The following TENM3 variants were observed in gnomAD, a reference collection of about 807,000 sequenced individuals.
TENM3 encodes the protein teneurin-3.
In TENM3, 63 loss-of-function variants were observed where a neutral mutation model predicts 255.1. That is an observed-to-expected ratio of 0.25 (90% confidence interval 0.20 to 0.30). The LOEUF (loss-of-function observed/expected upper bound fraction) is 0.30. TENM3 is among the 10% of genes least tolerant of loss of function. TENM3 has a pLI of 1.00. For missense variants in TENM3, 2,929 were observed against 3,461.1 expected (o/e 0.85, Z 3.86); for synonymous variants, 1,306 against 1,322.3 (o/e 0.99, Z 0.27).
intron 3 of TENM3, among the ~76,000 whole-genome samples, chr4:182,444,057 A>G (rs1772714404): frequency 6.6e-6 from 1 of 152,214 alleles, no homozygotes; most frequent in African/African-American, 2.4e-5. Context: ...TAAATCAAAG[A>G]AAGAATCACC....
intron 1 of TENM3, among the ~76,000 whole-genome samples, chr4:182,301,756 G>A (rs1761869263): frequency 6.6e-6 from 1 of 152,146 alleles, no homozygotes; most frequent in African/African-American, 2.4e-5. Context: ...AGGAAGTTGA[G>A]CATATTCAGT....
chr4:181,829,839 A>T, the TENM3 span: 1 of 152,264 alleles, frequency 6.6e-6, no homozygotes. Flanking sequence ...CAGAGTGAGG[A>T]AGCTCAGTCC....
At chr4:181,833,672 G>A in the TENM3 span, among the ~76,000 whole-genome samples, 1 of 151,794 alleles carries the variant, frequency 6.6e-6, no homozygotes, top group African/African-American at 2.4e-5. Flanking sequence ...ATTTCATTCT[G>A]CTCTCTGCTG....
chr4:181,781,381 A>G, the TENM3 span, among the ~76,000 whole-genome samples: 9,531 of 152,124 alleles, frequency 0.063, 609 homozygotes, highest in African/African-American at 0.16. Flanking sequence ...TCTCTTTGAA[A>G]CAATTGTGAA....
intron 1 of TENM3, among the ~76,000 whole-genome samples, chr4:182,259,978 G>C (rs903830125): frequency 1.3e-5 from 2 of 152,102 alleles, no homozygotes; most frequent in Admixed American, 1.3e-4. Flanking sequence ...ATATGAGAGA[G>C]AATGTGGAGC....
At chr4:181,638,920 T>C in the TENM3 span, among the ~76,000 whole-genome samples, 1 of 152,240 alleles carries the variant, frequency 6.6e-6, no homozygotes, top group Non-Finnish European at 1.5e-5. Context: ...AAAGGTCATA[T>C]TGAAAGACTG....
chr4:181,786,900 T>A, the TENM3 span, among the ~76,000 whole-genome samples: 1 of 152,084 alleles, frequency 6.6e-6, no homozygotes, highest in African/African-American at 2.4e-5. Context: ...GTGACAACCG[T>A]AAGACATAAC....
intron 3 of TENM3, among the ~76,000 whole-genome samples, chr4:182,588,378 A>G (rs1746255932): frequency 6.6e-6 from 1 of 152,210 alleles, no homozygotes; most frequent in South Asian, 2.1e-4. Context: ...CTTACTCTTT[A>G]TAAGCCACAC....
At chr4:181,819,258 C>T in the TENM3 span, among the ~76,000 whole-genome samples, 3 of 151,818 alleles carry the variant, frequency 2.0e-5, no homozygotes, top group South Asian at 6.3e-4. Context: ...GTTTTTTTGC[C>T]CCCCCAATCG....
chr4:181,622,257 G>A, the TENM3 span, among the ~76,000 whole-genome samples: 1,557 of 152,194 alleles, frequency 0.01, 26 homozygotes, highest in African/African-American at 0.033. Context: ...TTCCTGCCTC[G>A]TTTCCCTTTC....
the TENM3 span, among the ~76,000 whole-genome samples, chr4:181,507,077 C>T: frequency 6.6e-6 from 1 of 152,126 alleles, no homozygotes; most frequent in African/African-American, 2.4e-5. Flanking sequence ...TAAACTTGTG[C>T]CCAGATAGAT....
At chr4:182,385,195 A>C (rs941441972) in intron 3 of TENM3, among the ~76,000 whole-genome samples, 3 of 151,754 alleles carry the variant, frequency 2.0e-5, no homozygotes, top group Admixed American at 6.6e-5. Flanking sequence ...TTGAGTTGAG[A>C]ATGTAGAATT....
the TENM3 span, among the ~76,000 whole-genome samples, chr4:181,817,717 C>A: frequency 6.6e-6 from 1 of 152,140 alleles, no homozygotes; most frequent in Non-Finnish European, 1.5e-5. Flanking sequence ...TGCCTTCTTC[C>A]ATATGAGGAT....
chr4:182,799,608 G>A lies in TENM3; in HGVS notation c.7357G>A (p.Val2453Ile), dbSNP rs1766755589. Residue 2453 changes from valine (V) to isoleucine (I), a missense_variant, in exon 28 of 28, where the codon GTC becomes ATC. Physicochemically the swap from Val to Ile is conservative, Grantham distance 29. Around this residue, in one of 6 missense-constraint regions of TENM3, gnomAD observed 476 missense variants for 480.1 expected, o/e 0.99. Transcript: ENST00000511685. The surrounding 1 kb of genome is among the most constrained non-coding windows in gnomAD (Gnocchi z 4.2). ...GTTTCGCCCGCAGCCCATCTTCGGA[G>A]TCCAGCAGCAAGTGGCGCGGCAGGC... ...QWDDIPPIFGVQQQVARQAKA... is the reference protein window; with the variant it reads ...QWDDIPPIFGIQQQVARQAKA... 2 of 1,541,358 alleles carry A rather than the reference G, an allele frequency of 1.3e-6. No individual in the cohort carries two copies. The highest frequency in any genetic ancestry group is 1.4e-5 in the African/African-American group (1 of 72,980).
intron 3 of TENM3, among the ~76,000 whole-genome samples, chr4:182,538,584 T>G (rs1313865832): frequency 6.6e-6 from 1 of 151,558 alleles, no homozygotes; most frequent in Non-Finnish European, 1.5e-5. Context: ...GACTTGGATC[T>G]TTGGCCAGAA....
intron 3 of TENM3, among the ~76,000 whole-genome samples, chr4:182,460,899 T>C (rs1774274682): frequency 6.6e-6 from 1 of 152,236 alleles, no homozygotes; most frequent in Non-Finnish European, 1.5e-5. Context: ...CTTACTAATT[T>C]CTTAAGGAAA....
At chr4:181,852,181 A>G in the TENM3 span, among the ~76,000 whole-genome samples, 7 of 152,240 alleles carry the variant, frequency 4.6e-5, no homozygotes, top group Non-Finnish European at 1.0e-4. Flanking sequence ...GAATGGGAGT[A>G]CTAAATAAAA....
At chr4:182,098,569 C>A in the TENM3 span, among the ~76,000 whole-genome samples, 2 of 152,070 alleles carry the variant, frequency 1.3e-5, no homozygotes, top group Admixed American at 6.5e-5. Flanking sequence ...TAAAATAAGC[C>A]AGGCACAGAA....
the TENM3 span, among the ~76,000 whole-genome samples, chr4:181,717,815 TA>T: frequency 2.6e-5 from 4 of 152,038 alleles, no homozygotes; most frequent in Admixed American, 2.6e-4. Context: ...CAATCGTATT[TA>T]AAAAAAATAA....
Sources: allele counts gnomAD v4.1 joint callset (sites outside exome capture counted in the v4.1 genomes callset), GRCh38; gene constraint gnomAD v4.1.1; regional missense constraint gnomAD v4.1.1; non-coding constraint Gnocchi (gnomAD v3.1); transcripts MANE v1.5; gene names NCBI Gene and HGNC (gene_info 2026-07-23, HGNC 2026-07-21).